Variants in MINDY2 observed in about 807,000 individuals in gnomAD.
MINDY2 encodes ubiquitin carboxyl-terminal hydrolase MINDY-2.
MINDY2 carries 52 observed loss-of-function variants against 68.2 expected under a neutral mutation model. The ratio of observed to expected loss-of-function variants is 0.76; its 90% CI spans 0.61 to 0.96. The LOEUF (loss-of-function observed/expected upper bound fraction) is 0.96. Among genes scored for constraint, MINDY2 ranks in the 40% least tolerant of loss-of-function variants. MINDY2 has a pLI of 0.00. For synonymous variants in MINDY2, 372 were observed against 303.0 expected, an observed-to-expected ratio of 1.23 and a Z score of -2.36; for missense variants, 881 against 773.4, an observed-to-expected ratio of 1.14 and a Z score of -1.65.
chr15:58,777,056 T>C (rs1357101163), intron 1 of MINDY2, among the ~76,000 whole-genome samples: 1 of 152,202 alleles, frequency 6.6e-6, no homozygotes, highest in East Asian at 1.9e-4. Context: ...CAGTGGAGAT[T>C]ATGCTTAGGA....
At position 58,798,601 on chromosome 15, in the gene MINDY2, G is replaced by A. The variant is rs943673167; in HGVS notation, c.899-3712G>A. ...CTCCCAAGTAGCTGGGATTACAAGC[G>A]CCTGCCACCACACCCAGCTAATTTT... On this transcript the variant is annotated intron_variant, in intron 2 of 8. Transcript: ENST00000559228. Among the ~76,000 whole-genome samples, 6 of 151,980 alleles carry A rather than the reference G, an allele frequency of 3.9e-5. No individual in the cohort carries two copies. The South Asian group carries it at 1.2e-3, about 32-fold the overall frequency.
intron 5 of MINDY2, among the ~76,000 whole-genome samples, chr15:58,829,358 A>C (rs28549775): frequency 0.26 from 39,019 of 152,076 alleles, 5,491 homozygotes; most frequent in East Asian, 0.62. Context: ...ATCTGCAATA[A>C]ATTTTAAAAT....
intron 5 of MINDY2, among the ~76,000 whole-genome samples, chr15:58,829,555 T>A (rs1325645637): frequency 6.6e-6 from 1 of 152,178 alleles, no homozygotes; most frequent in Non-Finnish European, 1.5e-5. Context: ...GTGCTATATC[T>A]CCACTGAATT....
At position 58,855,450 on chromosome 15, in the gene MINDY2, G is replaced by A. The variant is rs534891599; in HGVS notation, c.*840G>A. On this transcript the variant is annotated 3_prime_UTR_variant, in exon 9 of 9. Transcript: ENST00000559228. ...GTGGATGCTAGGCTTTGTAAATATG[G>A]GGATGTAGAAAAGCAGATAGTTCAG... 2 of 152,554 alleles carry A rather than the reference G, an allele frequency of 1.3e-5. No individual in the cohort carries two copies. Among genetic ancestry groups the A allele is most frequent in the Non-Finnish European group, 2.9e-5 (2 of 68,024 alleles). 9.5% of individuals were successfully genotyped at this position (152,554 alleles called of 1,614,324 possible). A position where few individuals can be genotyped will look rare whatever the true frequency, so the allele number is the denominator to read the frequency against.
intron 7 of MINDY2, among the ~76,000 whole-genome samples, chr15:58,848,042 G>T (rs1442699766): frequency 6.6e-6 from 1 of 151,796 alleles, no homozygotes; most frequent in East Asian, 1.9e-4. Context: ...ACACACTAGG[G>T]AATAGAAGTT....
At chr15:58,780,905 G>GTCT (rs749804735) in intron 1 of MINDY2, among the ~76,000 whole-genome samples, 7 of 152,066 alleles carry the variant, frequency 4.6e-5, no homozygotes, top group Non-Finnish European at 1.0e-4. Context: ...ATGGTCTCTT[G>GTCT]TCTTACCCTA....
chr15:58,841,148 A>AT (rs1375501027), intron 6 of MINDY2, among the ~76,000 whole-genome samples: 3 of 150,058 alleles, frequency 2.0e-5, no homozygotes, highest in Non-Finnish European at 3.0e-5. Context: ...TGTCCAGCTA[A>AT]TTTTTTGTAT....
chr15:58,802,360 C>A lies in MINDY2; in HGVS notation c.946C>A (p.Arg316Ser). Residue 316 changes from arginine to serine, a missense_variant, in exon 3 of 9, where the codon CGT (arginine) becomes AGT (serine). By Grantham distance (110) the Arg-to-Ser change is moderately radical (BLOSUM62 -1). Transcript: ENST00000559228. ...GCCAAAAGAAATTTCAGAAATTCAA[C>A]GTTTAAATTATGAACAGGTAATAAA... is the stretch of plus-strand genomic sequence containing the variant. ...AKPKEISEIQ[R>S]LNYEQNMSDA... The A allele has an allele frequency of 6.3e-7, 1 of 1,579,118 alleles. No individual in the cohort carries two copies. Among genetic ancestry groups the A allele is most frequent in the Non-Finnish European group, 8.6e-7 (1 of 1,162,956 alleles).
rs748922297 is a variant in MINDY2, at chr15:58,859,236, A to C, written c.*4626A>C. On this transcript the variant is annotated 3_prime_UTR_variant, in exon 9 of 9. Coordinates refer to ENST00000559228, the MANE Select transcript of MINDY2 (RefSeq NM_001040450.3). Reference sequence around the variant, plus strand: ...GAGGATCAGAAGCATTTAAAAATCTATTTTTTTCTAGTATCTTTCACAGAT... The same window carrying C: ...GAGGATCAGAAGCATTTAAAAATCTCTTTTTTTCTAGTATCTTTCACAGAT... The C allele has an allele frequency of 1.3e-5, 2 of 151,920 alleles. No individual in the cohort carries two copies. The highest frequency in any genetic ancestry group is 1.9e-4 in the East Asian group (1 of 5,196). 9.4% of individuals were successfully genotyped at this position (151,920 alleles called of 1,614,324 possible). A position where few individuals can be genotyped will look rare whatever the true frequency, so the allele number is the denominator to read the frequency against.
At chr15:58,839,386 C>A (rs546319880) in intron 6 of MINDY2, among the ~76,000 whole-genome samples, 33 of 152,054 alleles carry the variant, frequency 2.2e-4, no homozygotes, top group Non-Finnish European at 4.7e-4. Context: ...GGCTGGAGTG[C>A]AGTGGCACAA....
Position 58,856,043 on chromosome 15 carries a change from T to A in MINDY2, c.*1433T>A, listed in dbSNP as rs1160282932. 1 of 152,688 alleles carries A rather than the reference T, an allele frequency of 6.5e-6. No individual in the cohort carries two copies. Among genetic ancestry groups the A allele is most frequent in the Non-Finnish European group, 1.5e-5 (1 of 68,048 alleles). The allele number at this position is 152,688 out of a possible 1,614,324, so 9.5% of individuals were successfully genotyped here. A position where few individuals can be genotyped will look rare whatever the true frequency, so the allele number is the denominator to read the frequency against. On this transcript the variant is annotated 3_prime_UTR_variant, in exon 9 of 9. Transcript: ENST00000559228. ...ATAAGAACTCAGAAATAATATTTAT[T>A]TAACTTTATTATGAGGCCACACATA...
At chr15:58,784,778 C>A (rs566913786) in intron 1 of MINDY2, among the ~76,000 whole-genome samples, 3 of 151,870 alleles carry the variant, frequency 2.0e-5, no homozygotes, top group African/African-American at 7.3e-5. Flanking sequence ...TGCCACCACA[C>A]CTGGCTAAGT....
chr15:58,806,184 A>G (rs558966713), intron 3 of MINDY2, among the ~76,000 whole-genome samples: 1 of 151,928 alleles, frequency 6.6e-6, no homozygotes, highest in East Asian at 2.0e-4. Context: ...AGAGATTCTC[A>G]TGCCTCAGCC....
rs1260410162 is a variant in MINDY2 at position 58,857,095 on chromosome 15, A to T, written c.*2485A>T. ...CAGCCTTTTTCTATGTAATATTTCC[A>T]AGTCAGACTTTCTTACATTCCTGGA... On this transcript the variant is annotated 3_prime_UTR_variant, in exon 9 of 9. Coordinates refer to ENST00000559228, the MANE Select transcript of MINDY2 (RefSeq NM_001040450.3). 2.0e-5 allele frequency: 3 copies of T among 152,200 alleles called. No individual in the cohort carries two copies. Among genetic ancestry groups the T allele is most frequent in the African/African-American group, 7.2e-5 (3 of 41,438 alleles). 9.4% of individuals were successfully genotyped at this position (152,200 alleles called of 1,614,324 possible).
intron 4 of MINDY2, among the ~76,000 whole-genome samples, chr15:58,819,785 C>T (rs1356273617): frequency 2.0e-5 from 3 of 152,038 alleles, no homozygotes; most frequent in African/African-American, 7.2e-5. Flanking sequence ...CAGATTGTGC[C>T]CTCAAATTGT....
At chr15:58,795,316 T>C (rs183945899) in intron 2 of MINDY2, among the ~76,000 whole-genome samples, 4 of 152,232 alleles carry the variant, frequency 2.6e-5, no homozygotes, top group Non-Finnish European at 5.9e-5. Flanking sequence ...TTTTCGTTAT[T>C]GCCATTCTGA....
chr15:58,775,608 TTCCCAATGATGACTTC>T (rs1177199482), intron 1 of MINDY2, among the ~76,000 whole-genome samples: 12 of 152,252 alleles, frequency 7.9e-5, no homozygotes, highest in South Asian at 4.1e-4. Context: ...TAATGTAGCG[TTCCCAATGATGACTTC>T]TCCCAATGAT....
chr15:58,834,953 C>T (rs1372736212), intron 6 of MINDY2, among the ~76,000 whole-genome samples: 1 of 152,190 alleles, frequency 6.6e-6, no homozygotes, highest in African/African-American at 2.4e-5. Context: ...CCTCAGAAAT[C>T]TAAGGCCAAA....
At chr15:58,807,615 G>A (rs1274186957) in intron 3 of MINDY2, among the ~76,000 whole-genome samples, 1 of 151,878 alleles carries the variant, frequency 6.6e-6, no homozygotes, top group Non-Finnish European at 1.5e-5. Flanking sequence ...CGCCCGCCTC[G>A]GCCTCCCAAA....
Sources: gnomAD v4.1 joint callset for allele counts (sites outside exome capture counted in the v4.1 genomes callset) on GRCh38, gnomAD v4.1.1 for gene constraint, MANE v1.5 for transcripts, NCBI Gene and HGNC (gene_info 2026-07-23, HGNC 2026-07-21) for gene names.